Variants in MRPL46 observed in about 807,000 individuals in gnomAD.
MRPL46 encodes the protein mitochondrial ribosomal protein L46.
Under a neutral mutation model 31.0 loss-of-function variants are expected in MRPL46, and 26 were observed. That is an observed-to-expected ratio of 0.84 (90% CI 0.61 to 1.16). The LOEUF (loss-of-function observed/expected upper bound fraction) is 1.16, where lower values mean the gene tolerates loss of function less well. MRPL46 is among the 50% of genes most tolerant of loss of function. The probability of loss-of-function intolerance (pLI) is 0.00; values close to 1 mark genes in which losing one functional copy is unlikely to be tolerated. For synonymous variants in MRPL46, 159 were observed against 141.3 expected (o/e 1.13, Z -0.89); for missense variants, 395 against 340.0 (o/e 1.16, Z -1.27).
In MRPL46 at chr15:88,464,857, G is replaced by A. The variant is rs1051053517; in HGVS notation, c.435C>T (p.Asp145=). 1 of 1,613,732 alleles carries A rather than the reference G, an allele frequency of 6.2e-7. No individual in the cohort carries two copies. The highest frequency in any genetic ancestry group is 8.5e-7 in the Non-Finnish European group (1 of 1,179,840). ...CTAGCTTCCTGTTCAGGGATGTTCG[G>A]TCATTCTTTTCATCAGCTTCTACAG... ...ARITEADEKN[D]RTSLNRKLDR... The change falls in exon 3 of 4, where the codon GAC becomes GAT. Residue 145 remains aspartate, a synonymous_variant. Coordinates refer to ENST00000312475, the MANE Select transcript of MRPL46 (RefSeq NM_022163.4).
At position 88,464,470 on chromosome 15, in the gene MRPL46, A is replaced by T. The variant is rs147827443; in HGVS notation, c.589+233T>A. ...TAGAAATATCAATTTTGAATGTACT[A>T]AATTTTAAAATCTCAGTGGAACAAA... On this transcript the variant is annotated intron_variant, in intron 3 of 3. Coordinates refer to ENST00000312475, the MANE Select transcript of MRPL46 (RefSeq NM_022163.4). 8.1e-4 allele frequency: 384 copies of T among 476,502 alleles called. 1 individual carries two copies. Among genetic ancestry groups the T allele is most frequent in the Non-Finnish European group, 1.2e-3 (327 of 272,972 alleles). The allele number at this position is 476,502 out of a possible 1,614,324, so 29.5% of individuals were successfully genotyped here.
At position 88,459,847 on chromosome 15, in the gene MRPL46, G is replaced by A. The variant is rs1430548403; in HGVS notation, c.606C>T (p.Ala202=). 1.2e-6 allele frequency: 2 copies of A among 1,613,944 alleles called. No homozygotes were observed. The highest frequency in any genetic ancestry group is 1.7e-6 in the Non-Finnish European group (2 of 1,179,980). Reference sequence around the variant, plus strand: ...CACAGGGTGCATTTCCTAGGAACTTGGCTTCCATGTTGTTTTCTGAAGAGG... The same window carrying A: ...CACAGGGTGCATTTCCTAGGAACTTAGCTTCCATGTTGTTTTCTGAAGAGG... ...LATLSENNME[A]KFLGNAPCGH... is the part of the protein sequence containing the mutation. The change falls in exon 4 of 4, where the codon GCC becomes GCT. Residue 202 remains alanine (A), a synonymous_variant. Coordinates refer to ENST00000312475, the MANE Select transcript of MRPL46 (RefSeq NM_022163.4).
At position 88,467,387 on chromosome 15, in the gene MRPL46, T is replaced by C. The variant is rs766045287; in HGVS notation, c.-10A>G. ...TTACGGGCGCCGCCATCTTTCGTTC[T>C]CCCACAATGCACCGCGGCTCCCAGG... On this transcript the variant is annotated 5_prime_UTR_variant, in exon 1 of 4. Transcript: ENST00000312475. 1.3e-6 allele frequency: 2 copies of C among 1,557,648 alleles called. No individual in the cohort carries two copies. Among genetic ancestry groups the C allele is most frequent in the South Asian group, 2.3e-5 (2 of 85,692 alleles).
Position 88,459,538 on chromosome 15 carries a change from T to C in MRPL46, c.*75A>G. The C allele has an allele frequency of 6.3e-7, 1 of 1,578,534 alleles. No homozygotes were observed. The highest frequency in any genetic ancestry group is 1.1e-5 in the South Asian group (1 of 87,132). ...TGCTGCTTGATATTACCTGCAAATGTGAGGCAATCACACAATGTCCTTGAG... is the reference window on the plus strand; with the variant it reads ...TGCTGCTTGATATTACCTGCAAATGCGAGGCAATCACACAATGTCCTTGAG... On this transcript the variant is annotated 3_prime_UTR_variant, in exon 4 of 4. Coordinates refer to ENST00000312475, the MANE Select transcript of MRPL46 (RefSeq NM_022163.4).
At chr15:88,465,344 G>C in intron 2 of MRPL46, 1 of 444,970 alleles carries the variant, frequency 2.2e-6, no homozygotes, top group Non-Finnish European at 3.9e-6. Flanking sequence ...CAAACTTGGA[G>C]TTAAACACAG....
chr15:88,462,162 A>G (rs990484150), intron 3 of MRPL46: 17 of 151,778 alleles, frequency 1.1e-4, no homozygotes, highest in African/African-American at 3.9e-4. Flanking sequence ...ATACTAAAAA[A>G]AAAAAACACT....
chr15:88,464,912 G>A lies in MRPL46; in HGVS notation c.416-36C>T, dbSNP rs756956897. 6 of 1,588,114 alleles carry A rather than the reference G, an allele frequency of 3.8e-6. No homozygotes were observed. In the South Asian group the frequency reaches 6.8e-5, roughly 18 times the overall value. The stretch of plus-strand genomic sequence containing the variant: ...GGGGGTCAGAGGAGGTAAGAAGACT[G>A]TGATCTGCCAGAACCAAGAAACCTG... On this transcript the variant is annotated intron_variant, in intron 2 of 3. Transcript: ENST00000312475.
At position 88,467,154 on chromosome 15, in the gene MRPL46, TGCA is replaced by T. The variant is rs754859616; in HGVS notation, c.221_223del (p.Leu74del). The T allele has an allele frequency of 1.8e-5, 29 of 1,613,696 alleles. No individual in the cohort carries two copies. The highest frequency in any genetic ancestry group is 2.5e-5 in the Non-Finnish European group (29 of 1,179,720). Reference sequence around the variant, plus strand: ...AACCCTGCATCTCAGTCCCACCTGCTGCAGTAGAGACGCCATCTCTTCCTGCAA... The same window carrying T: ...AACCCTGCATCTCAGTCCCACCTGCTGTAGAGACGCCATCTCTTCCTGCAA... On this transcript the variant is annotated inframe_deletion, in exon 1 of 4. Coordinates refer to ENST00000312475, the MANE Select transcript of MRPL46 (RefSeq NM_022163.4).
intron 3 of MRPL46, chr15:88,460,641 A>T (rs967088347): frequency 6.6e-6 from 1 of 152,260 alleles, no homozygotes; most frequent in African/African-American, 2.4e-5. Context: ...TACCATATAG[A>T]TCAAAGATTT....
chr15:88,465,007 G>A (rs562969090), intron 2 of MRPL46, 131 bp from the exon 3 acceptor site: 8 of 971,744 alleles, frequency 8.2e-6, no homozygotes, highest in African/African-American at 3.3e-5. Flanking sequence ...ATTACACCTC[G>A]ACCCATCTCT....
chr15:88,461,094 G>C (rs962809024), intron 3 of MRPL46: 2 of 152,170 alleles, frequency 1.3e-5, no homozygotes, highest in Non-Finnish European at 2.9e-5. Context: ...TATTATTTGA[G>C]AGGGCAAGGC....
chr15:88,464,885 A>G lies in MRPL46; in HGVS notation c.416-9T>C, dbSNP rs752433331. 5.0e-6 allele frequency: 8 copies of G among 1,613,200 alleles called. No individual in the cohort carries two copies. The highest frequency in any genetic ancestry group is 6.8e-6 in the Non-Finnish European group (8 of 1,179,540). On this transcript the variant is annotated splice_polypyrimidine_tract_variant and intron_variant, in intron 2 of 3. Transcript: ENST00000312475. The stretch of plus-strand genomic sequence containing the variant: ...ATTCTTTTCATCAGCTTCTACAGCA[A>G]AGGGGGTCAGAGGAGGTAAGAAGAC...
At chr15:88,461,062 G>A (rs916851719) in intron 3 of MRPL46, 5 of 152,258 alleles carry the variant, frequency 3.3e-5, no homozygotes, top group African/African-American at 1.2e-4. Context: ...GAAAATGCAG[G>A]ATGCTTTCTT....
intron 2 of MRPL46, 63 bp downstream of exon 2, chr15:88,465,524 T>C (rs954909184): frequency 1.4e-6 from 2 of 1,471,042 alleles, no homozygotes; most frequent in Admixed American, 5.0e-5. Context: ...AGCAACTGTC[T>C]TTTATTTGGG....
intron 1 of MRPL46, 56 bp from the exon 2 acceptor site, chr15:88,465,829 A>G: frequency 6.8e-7 from 1 of 1,477,194 alleles, no homozygotes; most frequent in South Asian, 1.4e-5. Context: ...TAAAAGGAAA[A>G]AAAAAACAGG....
chr15:88,462,344 G>C (rs973823036), intron 3 of MRPL46: 1 of 152,146 alleles, frequency 6.6e-6, no homozygotes, highest in African/African-American at 2.4e-5. Flanking sequence ...ATCTGGAAAA[G>C]ATGGATTAAA....
At chr15:88,460,024 C>T in intron 3 of MRPL46, 161 bp from the exon 4 acceptor site, 2 of 843,000 alleles carry the variant, frequency 2.4e-6, no homozygotes. Context: ...GAGGCTCCTC[C>T]CCTCTCAATC....
At chr15:88,460,107 T>C (rs921692618) in intron 3 of MRPL46, 1 of 515,960 alleles carries the variant, frequency 1.9e-6, no homozygotes, top group Non-Finnish European at 3.5e-6. Flanking sequence ...GTTTTTAGAC[T>C]GAAAGTCAGC....
rs2055507896 is a variant in MRPL46, at chr15:88,464,800, C to A, written c.492G>T (p.Lys164Asn). Residue 164 changes from lysine to asparagine, a missense_variant, in exon 3 of 4, where the codon AAG becomes AAT. Lys to Asn is a moderately conservative substitution (Grantham distance 94, BLOSUM62 0). Coordinates refer to ENST00000312475, the MANE Select transcript of MRPL46 (RefSeq NM_022163.4). Reference protein sequence around the residue: ...DRNLVLLVREKFGDQDVWILP... With the variant: ...DRNLVLLVRENFGDQDVWILP... ...GTATCCAAACATCCTGGTCTCCAAA[C>A]TTCTCTCTGACTAACAGGACAAGGT... The A allele has an allele frequency of 3.7e-6, 6 of 1,614,092 alleles. No homozygotes were observed. The highest frequency in any genetic ancestry group is 5.1e-6 in the Non-Finnish European group (6 of 1,180,046).
Sources: gnomAD v4.1 joint callset for allele counts on GRCh38, gnomAD v4.1.1 for gene constraint, MANE v1.5 for transcripts, NCBI Gene and HGNC (gene_info 2026-07-23, HGNC 2026-07-21) for gene names.